The following GSTCD variants were observed in gnomAD, a reference collection of about 807,000 sequenced individuals.
GSTCD encodes the protein glutathione S-transferase C-terminal domain-containing protein.
GSTCD carries 44 observed loss-of-function variants against 68.3 expected under a neutral mutation model. The observed-to-expected ratio is 0.64, with a 90% CI of 0.51 to 0.83. The LOEUF is 0.83. GSTCD is among the 40% of genes least tolerant of loss of function. GSTCD has a pLI of 0.00. For synonymous variants in GSTCD, 273 were observed against 255.2 expected (o/e 1.07, Z -0.67); for missense variants, 739 against 735.9 (o/e 1.00, Z -0.05).
chr4:105,714,031 A>G (rs1281658523), intron 1 of GSTCD, among the ~76,000 whole-genome samples: 1 of 152,032 alleles, frequency 6.6e-6, no homozygotes, highest in Non-Finnish European at 1.5e-5. Context: ...AGTGAAAAAA[A>G]AAAACCAGAT....
intron 5 of GSTCD, among the ~76,000 whole-genome samples, chr4:105,771,024 C>T (rs1734824139): frequency 6.6e-6 from 1 of 152,196 alleles, no homozygotes; most frequent in Non-Finnish European, 1.5e-5. Flanking sequence ...CATATCCTCT[C>T]CAGCACCTGT....
At chr4:105,804,090 CA>C (rs59659872) in intron 5 of GSTCD, among the ~76,000 whole-genome samples, 1 of 151,316 alleles carries the variant, frequency 6.6e-6, no homozygotes, top group Non-Finnish European at 1.5e-5. Context: ...ATTTATGAAC[CA>C]AAAAAACTGG....
chr4:105,825,145 T>C (rs1022541572), intron 7 of GSTCD, among the ~76,000 whole-genome samples: 3 of 151,522 alleles, frequency 2.0e-5, no homozygotes, highest in East Asian at 3.9e-4. Flanking sequence ...TGTTTGTTTG[T>C]TTGAGACAGA....
intron 5 of GSTCD, among the ~76,000 whole-genome samples, chr4:105,782,839 A>G (rs541178417): frequency 9.2e-5 from 14 of 152,210 alleles, no homozygotes; most frequent in African/African-American, 3.4e-4. Flanking sequence ...TTTTGTCTTA[A>G]TTCATATGTA....
intron 5 of GSTCD, among the ~76,000 whole-genome samples, chr4:105,736,653 T>C (rs1438813245): frequency 6.6e-6 from 1 of 152,184 alleles, no homozygotes; most frequent in African/African-American, 2.4e-5. Context: ...TTATTAATTA[T>C]AATCACCAAA....
At chr4:105,728,224 T>C (rs1423860654) in intron 4 of GSTCD, among the ~76,000 whole-genome samples, 2 of 152,176 alleles carry the variant, frequency 1.3e-5, no homozygotes, top group Non-Finnish European at 1.5e-5. Context: ...GTGGCAATGA[T>C]TGAACAATTG....
At chr4:105,808,569 T>A (rs1722620923) in intron 5 of GSTCD, among the ~76,000 whole-genome samples, 1 of 152,070 alleles carries the variant, frequency 6.6e-6, no homozygotes, top group South Asian at 2.1e-4. Context: ...AATCCAAAGT[T>A]TCCACATAGA....
chr4:105,760,996 A>AT (rs35581423), intron 5 of GSTCD: 5,096 of 173,786 alleles, frequency 0.029, 13 homozygotes, highest in African/African-American at 0.057. Context: ...TCCTTTTTTA[A>AT]TTTTTTTTTT....
In GSTCD at chr4:105,728,686, G is replaced by GATATATAGATATAGATATAGATATAGAT. The variant is rs143030973; in HGVS notation, c.1147-715_1147-714insTAGATATAGATATAGATATAGATATATA. On this transcript the variant is annotated intron_variant, in intron 4 of 11. Transcript: ENST00000515279. ...GGAGATATCTAGATATAGATATATA[G>GATATATAGATATAGATATAGATATAGAT]ATATAGATATAGATATAGATATAGA... 7.6e-4 allele frequency among the ~76,000 whole-genome samples: 31 copies of GATATATAGATATAGATATAGATATAGAT among 40,852 alleles called. 1 individual carries two copies. In the South Asian group the frequency reaches 0.024, roughly 32 times the overall value. 26.8% of individuals were successfully genotyped at this position (40,852 alleles called of 152,430 possible).
At chr4:105,808,429 C>A (rs1314845185) in intron 5 of GSTCD, among the ~76,000 whole-genome samples, 1 of 152,110 alleles carries the variant, frequency 6.6e-6, no homozygotes, top group Non-Finnish European at 1.5e-5. Context: ...CAAATCACTT[C>A]TCACTACCTC....
chr4:105,755,798 T>C (rs1734168140), intron 5 of GSTCD, among the ~76,000 whole-genome samples: 1 of 152,218 alleles, frequency 6.6e-6, no homozygotes, highest in African/African-American at 2.4e-5. Context: ...AAATGCCTTT[T>C]TGCAGATGTA....
At chr4:105,714,948 T>C (rs1233724292) in intron 1 of GSTCD, among the ~76,000 whole-genome samples, 2 of 152,196 alleles carry the variant, frequency 1.3e-5, no homozygotes, top group East Asian at 1.9e-4. Context: ...TTTCTACATA[T>C]CTTAAAAGCT....
chr4:105,754,250 T>G (rs1734105443), intron 5 of GSTCD, among the ~76,000 whole-genome samples: 1 of 152,152 alleles, frequency 6.6e-6, no homozygotes, highest in Non-Finnish European at 1.5e-5. Context: ...GAAATTTCCT[T>G]AATAGCTATG....
chr4:105,717,243 A>G (rs1732706665), intron 1 of GSTCD, among the ~76,000 whole-genome samples: 1 of 152,166 alleles, frequency 6.6e-6, no homozygotes. Flanking sequence ...ATCCCCAGAC[A>G]GCTCTCAGTA....
intron 5 of GSTCD, among the ~76,000 whole-genome samples, chr4:105,810,372 T>C (rs972908113): frequency 6.6e-6 from 1 of 152,162 alleles, no homozygotes; most frequent in Non-Finnish European, 1.5e-5. Flanking sequence ...GAGGAAATTA[T>C]CATGCTTGTT....
intron 5 of GSTCD, among the ~76,000 whole-genome samples, chr4:105,730,393 A>T (rs535587147): frequency 6.6e-6 from 1 of 152,108 alleles, no homozygotes; most frequent in Non-Finnish European, 1.5e-5. Context: ...TCCACATTGT[A>T]TCCAGCACCT....
At chr4:105,825,100 A>ATTGGTTGG (rs35367925) in intron 7 of GSTCD, among the ~76,000 whole-genome samples, 5 of 149,698 alleles carry the variant, frequency 3.3e-5, no homozygotes, top group Admixed American at 6.7e-5. Flanking sequence ...TGGTTGGTTG[A>ATTGGTTGG]TTGGTTGGTT....
At chr4:105,845,402 T>G in intron 11 of GSTCD, 39 bp from the exon 12 acceptor site, 1 of 1,612,404 alleles carries the variant, frequency 6.2e-7, no homozygotes, top group Non-Finnish European at 8.5e-7. Context: ...GTCCTGCTAG[T>G]GAAAGGGTGT....
At chr4:105,771,694 A>G (rs1227816943) in intron 5 of GSTCD, among the ~76,000 whole-genome samples, 1 of 152,092 alleles carries the variant, frequency 6.6e-6, no homozygotes. Flanking sequence ...GTGTGATGTT[A>G]CTTCTGAGGC....
Sources: gnomAD v4.1 joint callset for allele counts (sites outside exome capture counted in the v4.1 genomes callset) on GRCh38, gnomAD v4.1.1 for gene constraint, MANE v1.5 for transcripts, NCBI Gene and HGNC (gene_info 2026-07-23, HGNC 2026-07-21) for gene names.